TSHR: variants seen among roughly 807,000 people sequenced by gnomAD.
TSHR encodes thyroid stimulating hormone receptor, also known as thyrotropin receptor.
TSHR carries 51 observed loss-of-function variants against 64.1 expected under a neutral mutation model. The observed-to-expected ratio is 0.80, with a 90% CI of 0.64 to 1.01. TSHR has a LOEUF of 1.01. TSHR is among the 50% of genes least tolerant of loss of function. The pLI, the probability that TSHR is intolerant of heterozygous loss-of-function variation, is 0.00. For missense variants in TSHR, 877 were observed against 942.8 expected, an observed-to-expected ratio of 0.93 and a Z score of 0.91; for synonymous variants, 361 against 361.9, an observed-to-expected ratio of 1.00 and a Z score of 0.03.
intron 8 of TSHR, among the ~76,000 whole-genome samples, chr14:81,130,768 G>A (rs1323021753): frequency 2.2e-5 from 2 of 91,008 alleles, no homozygotes; most frequent in African/African-American, 1.8e-4. Flanking sequence ...GAGGCGGGTG[G>A]ATCATGAGGT....
At chr14:80,975,864 T>A (rs1208873671) in intron 1 of TSHR, among the ~76,000 whole-genome samples, 7 of 151,862 alleles carry the variant, frequency 4.6e-5, no homozygotes, top group Non-Finnish European at 1.0e-4. Context: ...GGGAGGATAC[T>A]GAGCTGGTTA....
intron 3 of TSHR, among the ~76,000 whole-genome samples, chr14:81,071,924 C>A (rs1196875033): frequency 6.6e-6 from 1 of 152,050 alleles, no homozygotes; most frequent in Non-Finnish European, 1.5e-5. Context: ...TTGGTAAATT[C>A]ACTCTTTCAA....
At chr14:81,101,264 G>T (rs1889561732) in intron 7 of TSHR, among the ~76,000 whole-genome samples, 1 of 152,186 alleles carries the variant, frequency 6.6e-6, no homozygotes, top group Non-Finnish European at 1.5e-5. Context: ...TAGCTGTGGA[G>T]ATTCTAAGAA....
intron 1 of TSHR, chr14:81,032,525 T>C: frequency 5.1e-6 from 2 of 393,832 alleles, no homozygotes; most frequent in Admixed American, 3.2e-5. Flanking sequence ...TTCAAGTTCT[T>C]ACCATGGAAA....
At chr14:81,015,193 A>G (rs1036141108) in intron 1 of TSHR, among the ~76,000 whole-genome samples, 1 of 152,190 alleles carries the variant, frequency 6.6e-6, no homozygotes, top group Non-Finnish European at 1.5e-5. Context: ...ATAAGCATTG[A>G]GTTTTCTTGC....
intron 1 of TSHR, among the ~76,000 whole-genome samples, chr14:80,996,456 G>A (rs1008056648): frequency 1.3e-5 from 2 of 152,056 alleles, no homozygotes; most frequent in Non-Finnish European, 1.5e-5. Flanking sequence ...AAAATTTTCT[G>A]AATCACTTTG....
intron 1 of TSHR, chr14:80,991,745 G>A (rs1463865510): frequency 1.3e-5 from 5 of 391,948 alleles, no homozygotes; most frequent in African/African-American, 8.2e-5. Flanking sequence ...ACTTGGAAAG[G>A]TGTCCTGCAG....
intron 8 of TSHR, among the ~76,000 whole-genome samples, chr14:81,132,794 C>T (rs1891301648): frequency 1.3e-5 from 2 of 152,006 alleles, no homozygotes; most frequent in Non-Finnish European, 2.9e-5. Flanking sequence ...ATGGCTACAT[C>T]CACAAGTGAT....
At chr14:81,061,224 C>A (rs907175675) in intron 1 of TSHR, among the ~76,000 whole-genome samples, 1 of 152,076 alleles carries the variant, frequency 6.6e-6, no homozygotes, top group Non-Finnish European at 1.5e-5. Flanking sequence ...GCATTTAATT[C>A]TTTTAAAGAT....
chr14:81,094,746 G>T (rs1322341251), intron 6 of TSHR, among the ~76,000 whole-genome samples: 1 of 131,816 alleles, frequency 7.6e-6, no homozygotes, highest in Admixed American at 8.4e-5. Context: ...GAGTGCAATG[G>T]TGCGATCTCG....
At chr14:81,003,546 G>A (rs1011834593) in intron 1 of TSHR, 2 of 222,642 alleles carry the variant, frequency 9.0e-6, no homozygotes, top group Admixed American at 4.1e-5. Context: ...TTGATGGCCT[G>A]GGCAGTTTCA....
Position 81,144,124 on chromosome 14 carries a change from T to G in TSHR, c.2066T>G (p.Val689Gly), listed in dbSNP as rs761341933. The change falls in exon 10 of 10, where the codon GTG becomes GGG. Residue 689 changes from valine to glycine, a missense_variant. By Grantham distance (109) the Val-to-Gly change is moderately radical. Transcript: ENST00000298171. ...AIFTKAFQRD[V>G]FILLSKFGIC... ...TTCACCAAGGCCTTCCAGAGGGATG[T>G]GTTCATCCTACTCAGCAAGTTTGGC... 14 of 1,614,042 alleles carry G rather than the reference T, an allele frequency of 8.7e-6. No homozygotes were observed. The East Asian group carries it at 3.1e-4, about 36-fold the overall frequency.
At chr14:81,016,027 G>C (rs897375411) in intron 1 of TSHR, among the ~76,000 whole-genome samples, 1 of 152,134 alleles carries the variant, frequency 6.6e-6, no homozygotes, top group African/African-American at 2.4e-5. Flanking sequence ...TTCATGTGTA[G>C]ATGGACACTT....
At chr14:81,092,454 T>G (rs1224462432) in intron 5 of TSHR, 77 bp from the exon 6 acceptor site, 1 of 1,247,032 alleles carries the variant, frequency 8.0e-7, no homozygotes, top group Non-Finnish European at 1.2e-6. Flanking sequence ...GTTATTTAAG[T>G]GCATATGCGC....
At chr14:81,055,208 G>C (rs10150860) in intron 1 of TSHR, among the ~76,000 whole-genome samples, 35,095 of 152,080 alleles carry the variant, frequency 0.23, 4,116 homozygotes, top group South Asian at 0.28. Flanking sequence ...GCTTCCACAT[G>C]GTATAGAGCC....
At chr14:81,001,499 A>G in intron 1 of TSHR, 1 of 518,540 alleles carries the variant, frequency 1.9e-6, no homozygotes, top group Non-Finnish European at 3.8e-6. Context: ...TAAGTTCGGC[A>G]TTTCTCTCAG....
At chr14:81,108,920 A>G (rs918850858) in intron 8 of TSHR, 1 of 1,403,214 alleles carries the variant, frequency 7.1e-7, no homozygotes, top group Admixed American at 3.0e-5. Context: ...AAGATGGAAT[A>G]AAAACATTTT....
At chr14:81,128,021 T>C (rs1891086575) in intron 8 of TSHR, among the ~76,000 whole-genome samples, 1 of 152,258 alleles carries the variant, frequency 6.6e-6, no homozygotes, top group Non-Finnish European at 1.5e-5. Context: ...GAATCCATTA[T>C]GTTGCAATAG....
chr14:81,102,450 G>A (rs1333390708), intron 7 of TSHR, among the ~76,000 whole-genome samples: 1 of 152,168 alleles, frequency 6.6e-6, no homozygotes, highest in African/African-American at 2.4e-5. Flanking sequence ...TTTATGTTAA[G>A]TATTAAAGTT....
Sources: allele counts gnomAD v4.1 joint callset (sites outside exome capture counted in the v4.1 genomes callset), GRCh38; gene constraint gnomAD v4.1.1; transcripts MANE v1.5; gene names NCBI Gene and HGNC (gene_info 2026-07-23, HGNC 2026-07-21).